The following ROBO2 variants were observed in gnomAD, a reference collection of about 807,000 sequenced individuals.
ROBO2 encodes the protein roundabout homolog 2.
Under a neutral mutation model 160.8 loss-of-function variants are expected in ROBO2, and 53 were observed. The observed-to-expected ratio is 0.33, with a 90% CI of 0.26 to 0.41. The LOEUF is 0.41. ROBO2 is among the 10% of genes least tolerant of loss of function. The pLI is 1.00. For synonymous variants in ROBO2, 664 were observed against 611.7 expected (o/e 1.09, Z -1.26); for missense variants, 1,577 against 1,722.4 (o/e 0.92, Z 1.49).
chr3:77,028,584 G>T (rs977898158), intron 2 of ROBO2, among the ~76,000 whole-genome samples: 2 of 152,128 alleles, frequency 1.3e-5, no homozygotes, highest in Non-Finnish European at 2.9e-5. Context: ...ACTGGGCATG[G>T]TGGTGTGTGC....
At chr3:76,350,125 C>G (rs1348418869) in intron 2 of ROBO2, among the ~76,000 whole-genome samples, 1 of 152,016 alleles carries the variant, frequency 6.6e-6, no homozygotes, top group East Asian at 1.9e-4. Context: ...TTTGTACACC[C>G]CATTATCAAT....
At chr3:76,167,183 C>T (rs1272487333) in intron 2 of ROBO2, among the ~76,000 whole-genome samples, 2 of 152,086 alleles carry the variant, frequency 1.3e-5, no homozygotes, top group Non-Finnish European at 2.9e-5. Context: ...TCATGTGATC[C>T]ACCTGCCTCA....
At chr3:76,316,594 G>A (rs1487005790) in intron 2 of ROBO2, among the ~76,000 whole-genome samples, 1 of 152,128 alleles carries the variant, frequency 6.6e-6, no homozygotes, top group Non-Finnish European at 1.5e-5. Context: ...AATTTGTACA[G>A]TAGAGGTCCT....
At chr3:76,315,953 G>A (rs1292898221) in intron 2 of ROBO2, among the ~76,000 whole-genome samples, 9 of 152,100 alleles carry the variant, frequency 5.9e-5, no homozygotes, top group Non-Finnish European at 1.3e-4. Context: ...GCCCTCTGGG[G>A]GTGACATCAC....
At chr3:76,791,216 G>C (rs773377922) in intron 2 of ROBO2, among the ~76,000 whole-genome samples, 1 of 151,704 alleles carries the variant, frequency 6.6e-6, no homozygotes, top group Non-Finnish European at 1.5e-5. Context: ...AAAGAACATG[G>C]AAAAAGTTGA....
chr3:76,229,098 CA>C (rs1704465298), intron 2 of ROBO2, among the ~76,000 whole-genome samples: 1 of 151,588 alleles, frequency 6.6e-6, no homozygotes, highest in Admixed American at 6.6e-5. Flanking sequence ...TCAGTTTCCA[CA>C]ATTTTTTTTT....
intron 7 of ROBO2, among the ~76,000 whole-genome samples, chr3:77,548,117 A>G (rs973653486): frequency 6.6e-6 from 1 of 150,768 alleles, no homozygotes; most frequent in African/African-American, 2.4e-5. Flanking sequence ...GACACACATA[A>G]ACACACACCA....
intron 2 of ROBO2, among the ~76,000 whole-genome samples, chr3:76,859,302 A>G (rs1231820051): frequency 2.0e-5 from 3 of 152,216 alleles, no homozygotes; most frequent in Non-Finnish European, 4.4e-5. Context: ...TATTTGATGC[A>G]ATCATTTTTT....
At chr3:77,136,479 CTTTTT>C (rs59688881) in intron 2 of ROBO2, among the ~76,000 whole-genome samples, 24 of 67,914 alleles carry the variant, frequency 3.5e-4, no homozygotes, top group African/African-American at 6.6e-4. Flanking sequence ...ATAAAATATG[CTTTTT>C]TTTTTTTTTT....
intron 2 of ROBO2, among the ~76,000 whole-genome samples, chr3:76,811,182 A>G (rs1004822286): frequency 6.6e-6 from 1 of 152,148 alleles, no homozygotes; most frequent in Non-Finnish European, 1.5e-5. Flanking sequence ...GCTTCATGAG[A>G]GAAGTCCAGC....
intron 2 of ROBO2, among the ~76,000 whole-genome samples, chr3:76,689,001 G>C (rs374179126): frequency 2.8e-4 from 43 of 152,042 alleles, no homozygotes; most frequent in African/African-American, 8.9e-4. Context: ...ATATTGCAAT[G>C]ATGTATTTCT....
intron 2 of ROBO2, among the ~76,000 whole-genome samples, chr3:77,176,290 C>A (rs1012129613): frequency 6.6e-6 from 1 of 151,958 alleles, no homozygotes; most frequent in Non-Finnish European, 1.5e-5. Context: ...TAACCTTTAA[C>A]AATGATAAAT....
intron 1 of ROBO2, among the ~76,000 whole-genome samples, chr3:75,930,247 T>G (rs1947477151): frequency 6.6e-6 from 1 of 152,218 alleles, no homozygotes; most frequent in South Asian, 2.1e-4. Context: ...ACATCACTCC[T>G]TGCCAGCTCA....
At chr3:76,882,394 T>G (rs2073442781) in intron 2 of ROBO2, among the ~76,000 whole-genome samples, 1 of 152,202 alleles carries the variant, frequency 6.6e-6, no homozygotes, top group African/African-American at 2.4e-5. Flanking sequence ...TTTTACCTAC[T>G]AAGTTCACAT....
intron 2 of ROBO2, among the ~76,000 whole-genome samples, chr3:76,999,955 T>G (rs530889188): frequency 6.6e-6 from 1 of 152,310 alleles, no homozygotes; most frequent in East Asian, 1.9e-4. Flanking sequence ...GCACAATACA[T>G]GATATATAGC....
intron 2 of ROBO2, among the ~76,000 whole-genome samples, chr3:76,983,471 A>G (rs1212451018): frequency 6.6e-6 from 1 of 152,214 alleles, no homozygotes; most frequent in Non-Finnish European, 1.5e-5. Context: ...CGCCAAGGGT[A>G]AATTTACATA....
At chr3:77,325,990 C>T (rs776014359) in intron 2 of ROBO2, among the ~76,000 whole-genome samples, 33 of 152,178 alleles carry the variant, frequency 2.2e-4, no homozygotes, top group Admixed American at 5.9e-4. Context: ...TTTCCTTGAG[C>T]TGCCATTGAT....
At chr3:77,219,468 GTATATATATATATATAATCTGTATA>G (rs1160804492) in intron 2 of ROBO2, among the ~76,000 whole-genome samples, 9 of 122,238 alleles carry the variant, frequency 7.4e-5, no homozygotes, top group African/African-American at 2.4e-4. Context: ...ATGTATCTGT[GTATATATATATATATAATCTGTATA>G]TATATATATA....
intron 1 of ROBO2, among the ~76,000 whole-genome samples, chr3:75,930,308 C>A (rs1947480957): frequency 6.6e-6 from 1 of 152,188 alleles, no homozygotes; most frequent in South Asian, 2.1e-4. Context: ...TTGAGACTCT[C>A]CTTGGGACAC....
Sources: allele counts gnomAD v4.1 joint callset (sites outside exome capture counted in the v4.1 genomes callset), GRCh38; gene constraint gnomAD v4.1.1; transcripts MANE v1.5; gene names NCBI Gene and HGNC (gene_info 2026-07-23, HGNC 2026-07-21).